SORCS3: variants seen among roughly 807,000 people sequenced by gnomAD.
SORCS3 encodes the protein VPS10 domain-containing receptor SorCS3.
A neutral mutation model predicts 146.3 loss-of-function variants in SORCS3; 57 were observed. The observed-to-expected ratio is 0.39, with a 90% CI of 0.31 to 0.49. The LOEUF (loss-of-function observed/expected upper bound fraction) is 0.49. Among genes scored for constraint, SORCS3 ranks in the 20% least tolerant of loss-of-function variants. The pLI is 0.92. For synonymous variants in SORCS3, 653 were observed against 618.5 expected (o/e 1.06, Z -0.83); for missense variants, 1,341 against 1,575.5 (o/e 0.85, Z 2.52).
intron 1 of SORCS3, among the ~76,000 whole-genome samples, chr10:104,753,823 G>A (rs1313869405): frequency 1.3e-5 from 2 of 152,170 alleles, no homozygotes; most frequent in Non-Finnish European, 2.9e-5. Context: ...AGAGATCAAT[G>A]ACCAAAAAGT....
At chr10:105,159,762 C>T (rs1459356884) in intron 11 of SORCS3, among the ~76,000 whole-genome samples, 1 of 152,176 alleles carries the variant, frequency 6.6e-6, no homozygotes, top group Non-Finnish European at 1.5e-5. Context: ...TCTGTTTTCT[C>T]TCATCAACCC....
At chr10:105,244,276 T>A (rs12413506) in intron 20 of SORCS3, among the ~76,000 whole-genome samples, 32,317 of 149,394 alleles carry the variant, frequency 0.22, 3,880 homozygotes, top group Non-Finnish European at 0.28. Flanking sequence ...GAAAAAAAAA[T>A]ATATATATAT....
intron 1 of SORCS3, among the ~76,000 whole-genome samples, chr10:104,818,839 A>T (rs1219129520): frequency 6.6e-6 from 1 of 152,028 alleles, no homozygotes; most frequent in African/African-American, 2.4e-5. Context: ...GTGTGTAGGG[A>T]TGAGTGCACT....
chr10:105,030,569 G>A (rs1219932220), intron 4 of SORCS3, among the ~76,000 whole-genome samples: 1 of 151,300 alleles, frequency 6.6e-6, no homozygotes, highest in African/African-American at 2.4e-5. Context: ...AGAAATCCTA[G>A]CTCTCCAAAG....
chr10:105,031,094 A>C (rs1224217948), intron 4 of SORCS3, among the ~76,000 whole-genome samples: 4 of 151,604 alleles, frequency 2.6e-5, no homozygotes, highest in Non-Finnish European at 4.4e-5. Context: ...CAGGAGTTTG[A>C]GACCAGCCTG....
intron 1 of SORCS3, among the ~76,000 whole-genome samples, chr10:104,786,258 G>GA (rs1346442301): frequency 1.4e-5 from 2 of 144,062 alleles, no homozygotes; most frequent in South Asian, 2.2e-4. Flanking sequence ...GGAATTGGAA[G>GA]CCAAAAAAAA....
In SORCS3 at chr10:105,117,662, G is replaced by A. The variant is rs777017755; in HGVS notation, c.1212+12147G>A. 5.7e-4 allele frequency among the ~76,000 whole-genome samples: 87 copies of A among 152,170 alleles called. 1 individual carries two copies. Among genetic ancestry groups the A allele is most frequent in the Non-Finnish European group, 2.5e-4 (17 of 68,032 alleles). On this transcript the variant is annotated intron_variant, in intron 7 of 26. Coordinates refer to ENST00000369701, the MANE Select transcript of SORCS3 (RefSeq NM_014978.3). ...CTACACCCCTCTGTAAGTCTCCCAT[G>A]TTTCATTCACAATCAAATTTTTTGA...
chr10:104,910,042 C>G (rs1426305799), intron 2 of SORCS3, among the ~76,000 whole-genome samples: 1 of 152,152 alleles, frequency 6.6e-6, no homozygotes, highest in Non-Finnish European at 1.5e-5. Context: ...CTGGATGAGA[C>G]AAGAACTCAG....
At chr10:105,132,418 A>G (rs2056026661) in intron 7 of SORCS3, among the ~76,000 whole-genome samples, 1 of 152,138 alleles carries the variant, frequency 6.6e-6, no homozygotes, top group Non-Finnish European at 1.5e-5. Context: ...CTCTTCTAAG[A>G]TTACCTATGT....
intron 26 of SORCS3, 107 bp from the exon 27 acceptor site, chr10:105,263,203 T>C (rs993992097): frequency 2.0e-6 from 2 of 993,566 alleles, no homozygotes; most frequent in African/African-American, 3.3e-5. Context: ...TAAATTCCTA[T>C]TAAGCACCTG....
intron 1 of SORCS3, among the ~76,000 whole-genome samples, chr10:104,747,006 C>T (rs745997349): frequency 1.3e-5 from 2 of 152,204 alleles, no homozygotes; most frequent in Non-Finnish European, 2.9e-5. Flanking sequence ...AGTTACACAA[C>T]TACTGGGTTG....
chr10:105,214,324 G>A (rs1589691710), intron 17 of SORCS3, 118 bp from the exon 18 acceptor site: 1 of 1,106,614 alleles, frequency 9.0e-7, no homozygotes, highest in East Asian at 2.5e-5. Context: ...GCCGCTGTGT[G>A]AAGCACCTGT....
chr10:104,806,217 G>A (rs961101447), intron 1 of SORCS3, among the ~76,000 whole-genome samples: 18 of 152,132 alleles, frequency 1.2e-4, no homozygotes, highest in African/African-American at 3.4e-4. Flanking sequence ...CCTATACTAC[G>A]TCTTTCCACC....
At chr10:105,186,611 G>A (rs771191637) in intron 14 of SORCS3, among the ~76,000 whole-genome samples, 5 of 151,848 alleles carry the variant, frequency 3.3e-5, no homozygotes, top group East Asian at 1.9e-4. Context: ...AACCGGGTGC[G>A]GTGGCTCACA....
intron 17 of SORCS3, among the ~76,000 whole-genome samples, chr10:105,214,130 T>C (rs2056650882): frequency 6.6e-6 from 1 of 152,150 alleles, no homozygotes; most frequent in South Asian, 2.1e-4. Flanking sequence ...GCCTCCTCTT[T>C]TGTTGTGTGA....
rs138880369 is a variant in SORCS3, at chr10:104,715,312, C to A, written c.627+73358C>A. 2.1e-3 allele frequency among the ~76,000 whole-genome samples: 318 copies of A among 152,256 alleles called. 1 individual carries two copies. The highest frequency in any genetic ancestry group is 6.8e-3 in the Middle Eastern group (2 of 294). On this transcript the variant is annotated intron_variant, in intron 1 of 26. Transcript: ENST00000369701. ...AAGGAGGAGAAAGGGAGAATTCACT[C>A]TCTCTCTTCTTAAGTTGGGACATCC...
chr10:104,833,138 G>A (rs1417482640), intron 1 of SORCS3, among the ~76,000 whole-genome samples: 1 of 152,204 alleles, frequency 6.6e-6, no homozygotes, highest in East Asian at 1.9e-4. Flanking sequence ...TGTGAAATGA[G>A]TTCCTTTGTT....
chr10:105,084,868 C>G (rs1021108539), intron 5 of SORCS3, among the ~76,000 whole-genome samples: 3 of 151,864 alleles, frequency 2.0e-5, no homozygotes, highest in Non-Finnish European at 2.9e-5. Flanking sequence ...GTAGCTGGGA[C>G]TACAGGCGCC....
intron 2 of SORCS3, among the ~76,000 whole-genome samples, chr10:104,908,316 C>T (rs772525805): frequency 1.3e-5 from 2 of 152,096 alleles, no homozygotes; most frequent in African/African-American, 2.4e-5. Flanking sequence ...ATTGGGTATC[C>T]GTGTGCCTCA....
Sources: allele counts gnomAD v4.1 joint callset (sites outside exome capture counted in the v4.1 genomes callset), GRCh38; gene constraint gnomAD v4.1.1; transcripts MANE v1.5; gene names NCBI Gene and HGNC (gene_info 2026-07-23, HGNC 2026-07-21).